PLXNC1: variants seen among roughly 807,000 people sequenced by gnomAD.
PLXNC1 encodes plexin-C1.
In PLXNC1, 75 loss-of-function variants were observed where a neutral mutation model predicts 178.2. The ratio of observed to expected loss-of-function variants is 0.42; its 90% CI spans 0.35 to 0.51. The LOEUF is 0.51. PLXNC1 is among the 20% of genes least tolerant of loss of function. The probability of loss-of-function intolerance (pLI) is 0.02; values close to 1 mark genes in which losing one functional copy is unlikely to be tolerated. For missense variants in PLXNC1, 1,503 were observed against 1,984.4 expected, an observed-to-expected ratio of 0.76 and a Z score of 4.61; for synonymous variants, 790 against 779.9, an observed-to-expected ratio of 1.01 and a Z score of -0.22.
Position 94,177,137 on chromosome 12 carries a change from A to ATG in PLXNC1, c.1204-4297_1204-4296dup, listed in dbSNP as rs1555195608. On this transcript the variant is annotated intron_variant, in intron 2 of 30. Coordinates refer to ENST00000258526, the MANE Select transcript of PLXNC1 (RefSeq NM_005761.3). ...TATATATGTGTGTGTGTGTATATAT[A>ATG]TGTGTGTGTGTGTATATATATATGT... 8.7e-3 allele frequency among the ~76,000 whole-genome samples: 588 copies of ATG among 67,386 alleles called. 10 individuals carry two copies. The highest frequency in any genetic ancestry group is 0.032 in the African/African-American group (423 of 13,132). The allele number at this position is 67,386 out of a possible 152,430, so 44.2% of individuals were successfully genotyped here. A position where few individuals can be genotyped will look rare whatever the true frequency, so the allele number is the denominator to read the frequency against.
At chr12:94,300,758 G>A in intron 27 of PLXNC1, 152 bp from the exon 28 acceptor site, 3 of 521,946 alleles carry the variant, frequency 5.7e-6, no homozygotes, top group Non-Finnish European at 9.9e-6. Context: ...CTCTCCAAGT[G>A]ACGCTTCTGT....
chr12:94,279,738 C>T lies in PLXNC1; in HGVS notation c.3775+89C>T, dbSNP rs893730878. The T allele has an allele frequency of 1.2e-5, 12 of 1,040,958 alleles. No individual in the cohort carries two copies. The African/African-American group carries it at 2.0e-4, about 17-fold the overall frequency. 64.5% of individuals were successfully genotyped at this position (1,040,958 alleles called of 1,614,324 possible). On this transcript the variant is annotated intron_variant, in intron 22 of 30. Coordinates refer to ENST00000258526, the MANE Select transcript of PLXNC1 (RefSeq NM_005761.3). ...CCTCCCTGTCCCCCCTCCCTGCCCC[C>T]ACCAGCTTCCATTCAGTGACACTTA... is the stretch of plus-strand genomic sequence containing the variant.
rs546550588 is a variant in PLXNC1 at position 94,258,783 on chromosome 12, C to CAG, written c.3088-549_3088-548dup. Among the ~76,000 whole-genome samples the CAG allele has an allele frequency of 3.3e-5, 5 of 152,344 alleles. No individual in the cohort carries two copies. In the East Asian group the frequency reaches 9.6e-4, roughly 29 times the overall value. On this transcript the variant is annotated intron_variant, in intron 17 of 30. Coordinates refer to ENST00000258526, the MANE Select transcript of PLXNC1 (RefSeq NM_005761.3). ...TTTCAGAGATGAGGCAAGTCAGACA[C>CAG]AGAGAGGTTAGGTAACACATCCCAC...
intron 5 of PLXNC1, among the ~76,000 whole-genome samples, chr12:94,212,000 C>T (rs1202581681): frequency 1.3e-5 from 2 of 152,126 alleles, no homozygotes; most frequent in Non-Finnish European, 2.9e-5. Context: ...GACGGCCGGG[C>T]GCGGTGGCTC....
At chr12:94,172,301 T>C (rs538358689) in intron 2 of PLXNC1, among the ~76,000 whole-genome samples, 1 of 152,192 alleles carries the variant, frequency 6.6e-6, no homozygotes, top group Non-Finnish European at 1.5e-5. Context: ...TTTTGACATG[T>C]GCCAGGCACT....
At chr12:94,226,904 T>C (rs1831028357) in intron 8 of PLXNC1, among the ~76,000 whole-genome samples, 197 bp downstream of exon 8, 1 of 151,960 alleles carries the variant, frequency 6.6e-6, no homozygotes, top group African/African-American at 2.4e-5. Context: ...ATGCCTGTAA[T>C]CCCAGCTACT....
At chr12:94,167,119 A>AT (rs1961645099) in intron 1 of PLXNC1, among the ~76,000 whole-genome samples, 1 of 152,136 alleles carries the variant, frequency 6.6e-6, no homozygotes, top group African/African-American at 2.4e-5. Context: ...TGAGATGGTA[A>AT]TTTGGGACGG....
intron 3 of PLXNC1, among the ~76,000 whole-genome samples, chr12:94,185,776 G>A (rs1378931567): frequency 1.3e-5 from 2 of 152,202 alleles, no homozygotes; most frequent in African/African-American, 4.8e-5. Context: ...CCAAACTCCT[G>A]CTGACACTCC....
chr12:94,206,740 T>G (rs1471067179), intron 4 of PLXNC1, among the ~76,000 whole-genome samples: 1 of 152,204 alleles, frequency 6.6e-6, no homozygotes, highest in Non-Finnish European at 1.5e-5. Flanking sequence ...TTCCCTAGAA[T>G]ATGTCCATTC....
In PLXNC1 at chr12:94,190,465, T is replaced by A. The variant is rs140461524; in HGVS notation, c.1439+3992T>A. ...CATGTTGCCCAGGCTGGTCTTGAAC[T>A]CCTGGGCTCAAGCAATCCTCCTTCC... On this transcript the variant is annotated intron_variant, in intron 4 of 30. Coordinates refer to ENST00000258526, the MANE Select transcript of PLXNC1 (RefSeq NM_005761.3). Among the ~76,000 whole-genome samples the A allele has an allele frequency of 3.1e-3, 473 of 152,244 alleles. 3 individuals carry two copies. Among genetic ancestry groups the A allele is most frequent in the African/African-American group, 0.011 (455 of 41,526 alleles).
At chr12:94,301,183 C>A in intron 28 of PLXNC1, 126 bp downstream of exon 28, 1 of 617,308 alleles carries the variant, frequency 1.6e-6, no homozygotes, top group South Asian at 4.8e-5. Context: ...ATAGCAAGGG[C>A]CACTGTCAAT....
At position 94,279,783 on chromosome 12, in the gene PLXNC1, G is replaced by A. The variant is rs113781586; in HGVS notation, c.3775+134G>A. On this transcript the variant is annotated intron_variant, in intron 22 of 30. Transcript: ENST00000258526. ...CACTTACACAGCCAGGTTGTTCCTG[G>A]AGGGCATGTCTAGGGGCCAAGAGAC... 94 of 833,420 alleles carry A rather than the reference G, an allele frequency of 1.1e-4. 1 individual carries two copies. The highest frequency in any genetic ancestry group is 9.7e-4 in the African/African-American group (58 of 59,782). The allele number at this position is 833,420 out of a possible 1,614,324, so 51.6% of individuals were successfully genotyped here.
Position 94,166,524 on chromosome 12 carries a change from GTATTATTATTATTATTAT to G in PLXNC1, c.1063-2602_1063-2585del, listed in dbSNP as rs55733946. Among the ~76,000 whole-genome samples the G allele has an allele frequency of 7.7e-4, 111 of 144,088 alleles. 1 individual carries two copies. Among genetic ancestry groups the G allele is most frequent in the Middle Eastern group, 3.6e-3 (1 of 278 alleles). 94.5% of individuals were successfully genotyped at this position (144,088 alleles called of 152,430 possible). ...AGTAAGTATTAGTACATGTTAGCTG[GTATTATTATTATTATTAT>G]TATTATTATTATTATTATTATTATT... On this transcript the variant is annotated intron_variant, in intron 1 of 30. Transcript: ENST00000258526.
chr12:94,226,948 G>A (rs1233761696), intron 8 of PLXNC1, among the ~76,000 whole-genome samples: 9 of 152,102 alleles, frequency 5.9e-5, no homozygotes, highest in African/African-American at 2.2e-4. Flanking sequence ...ACTTGAACCC[G>A]GGAGGCGGAG....
intron 4 of PLXNC1, among the ~76,000 whole-genome samples, chr12:94,194,993 G>A (rs146688546): frequency 6.6e-6 from 1 of 152,142 alleles, no homozygotes; most frequent in East Asian, 2.0e-4. Context: ...GGGGAAGAGT[G>A]GTCGGGAGGC....
At chr12:94,181,710 C>A in intron 3 of PLXNC1, 130 bp downstream of exon 3, 1 of 714,058 alleles carries the variant, frequency 1.4e-6, no homozygotes, top group East Asian at 2.8e-5. Context: ...TGAGGAGACC[C>A]GCAGTGGTTC....
At position 94,240,624 on chromosome 12, in the gene PLXNC1, C is replaced by A. The variant is rs115076642; in HGVS notation, c.2260C>A (p.Pro754Thr). The change falls in exon 11 of 31, where the codon CCA becomes ACA. Residue 754 changes from proline to threonine, a missense_variant. Pro to Thr is a conservative substitution (Grantham distance 38). Transcript: ENST00000258526. ...GGGATCCTTATCCTACATTGCTCTG[C>A]CACATTGTTCCCTTATATTTCCTGC... Reference protein sequence around the residue: ...SVGSLSYIALPHCSLIFPATT... With the variant: ...SVGSLSYIALTHCSLIFPATT... The A allele has an allele frequency of 6.2e-7, 1 of 1,613,698 alleles. No individual in the cohort carries two copies. Among genetic ancestry groups the A allele is most frequent in the East Asian group, 2.2e-5 (1 of 44,876 alleles).
At chr12:94,251,029 A>T (rs1964670396) in intron 14 of PLXNC1, among the ~76,000 whole-genome samples, 1 of 152,162 alleles carries the variant, frequency 6.6e-6, no homozygotes, top group East Asian at 1.9e-4. Flanking sequence ...TCTAAAACAA[A>T]AACAAAATAA....
rs1960868355 is a variant in PLXNC1 at position 94,149,610 on chromosome 12, C to T, written c.639C>T (p.Arg213=). The T allele has an allele frequency of 6.3e-7, 1 of 1,581,796 alleles. No individual in the cohort carries two copies. The highest frequency in any genetic ancestry group is 8.6e-7 in the Non-Finnish European group (1 of 1,165,288). The part of the protein sequence containing the change: ...TAIALKDTEG[R]SLATQELGRL... Reference sequence around the variant, plus strand: ...TCGCGCTCAAGGACACGGAGGGGCGCAGCCTGGCCACGCAGGAGCTGGGGC... The same window carrying T: ...TCGCGCTCAAGGACACGGAGGGGCGTAGCCTGGCCACGCAGGAGCTGGGGC... Residue 213 remains arginine, a synonymous_variant, in exon 1 of 31, where the codon CGC becomes CGT. Transcript: ENST00000258526.
Sources: allele counts gnomAD v4.1 joint callset (sites outside exome capture counted in the v4.1 genomes callset), GRCh38; gene constraint gnomAD v4.1.1; transcripts MANE v1.5; gene names NCBI Gene and HGNC (gene_info 2026-07-23, HGNC 2026-07-21).